Variants in JAG2 observed in about 807,000 individuals in gnomAD.
JAG2 encodes protein jagged-2.
In JAG2, 46 loss-of-function variants were observed where a neutral mutation model predicts 141.7. The ratio of observed to expected loss-of-function variants is 0.32; its 90% confidence interval spans 0.26 to 0.42. The LOEUF (loss-of-function observed/expected upper bound fraction) is 0.42, where lower values mean the gene tolerates loss of function less well. JAG2 is among the 10% of genes least tolerant of loss of function. The pLI is 1.00. For synonymous variants in JAG2, 862 were observed against 763.5 expected, an observed-to-expected ratio of 1.13 and a Z score of -2.13; for missense variants, 1,500 against 1,817.5, an observed-to-expected ratio of 0.83 and a Z score of 3.18.
At chr14:105,146,756 TG>T in intron 20 of JAG2, 32 bp from the exon 21 acceptor site, 1 of 1,549,626 alleles carries the variant, frequency 6.5e-7, no homozygotes, top group Non-Finnish European at 8.9e-7. Context: ...CTCAGTGCAG[TG>T]AGGCCAACGC....
intron 7 of JAG2, 76 bp from the exon 8 acceptor site, chr14:105,151,815 C>T: frequency 6.2e-7 from 1 of 1,601,394 alleles, no homozygotes; most frequent in Non-Finnish European, 8.5e-7. Flanking sequence ...CCCAAGCCCA[C>T]AGGTTCCCAA....
At chr14:105,159,615 A>G (rs1888673816) in intron 2 of JAG2, among the ~76,000 whole-genome samples, 2 of 92,568 alleles carry the variant, frequency 2.2e-5, no homozygotes, top group Admixed American at 2.7e-4. Flanking sequence ...ACACCCCCAA[A>G]GAACTCAATC....
At chr14:105,162,041 C>T (rs1888764206) in intron 2 of JAG2, among the ~76,000 whole-genome samples, 1 of 152,166 alleles carries the variant, frequency 6.6e-6, no homozygotes, top group Non-Finnish European at 1.5e-5. Flanking sequence ...GGGGCTGGGA[C>T]ATGTGGGGAT....
intron 23 of JAG2, 31 bp downstream of exon 23, chr14:105,145,700 C>G: frequency 6.3e-7 from 1 of 1,574,818 alleles, no homozygotes; most frequent in South Asian, 1.2e-5. Flanking sequence ...CGTGTGGCCT[C>G]TGCAAGCTCA....
rs1888081221 is a variant in JAG2 at position 105,142,293 on chromosome 14, A to G, written c.*402T>C. On this transcript the variant is annotated 3_prime_UTR_variant, in exon 26 of 26. Transcript: ENST00000331782. ...CAACAGCCATGGGCCACACCAACACAGCCATGGGTCTCACCGGCACTTTGG... is the reference window on the plus strand; with the variant it reads ...CAACAGCCATGGGCCACACCAACACGGCCATGGGTCTCACCGGCACTTTGG... The G allele has an allele frequency of 5.1e-6, 1 of 195,104 alleles. No homozygotes were observed. Among genetic ancestry groups the G allele is most frequent in the South Asian group, 9.9e-5 (1 of 10,090 alleles). 12.1% of individuals were successfully genotyped at this position (195,104 alleles called of 1,614,324 possible).
At chr14:105,147,157 A>G in intron 20 of JAG2, 169 bp downstream of exon 20, 1 of 669,074 alleles carries the variant, frequency 1.5e-6, no homozygotes, top group Non-Finnish European at 2.7e-6. Context: ...GGTATACAGC[A>G]GGAACCCCAC....
In JAG2 at chr14:105,148,189, G is replaced by A. The variant is rs1888290697; in HGVS notation, c.2175C>T (p.Gly725=). 1 of 1,554,336 alleles carries A rather than the reference G, an allele frequency of 6.4e-7. No individual in the cohort carries two copies. Residue 725 remains glycine, a synonymous_variant, in exon 17 of 26, where the codon GGC becomes GGT. Transcript: ENST00000331782. ...QCDAYTCSNG[G]TCYDSGDTFR... ...AGGTGTCGCCGCTGTCGTAGCAGGTGCCACCGTTGCTGCAGGTGTAGGCAT... is the reference window on the plus strand; with the variant it reads ...AGGTGTCGCCGCTGTCGTAGCAGGTACCACCGTTGCTGCAGGTGTAGGCAT...
chr14:105,163,450 T>C (rs1888816753), intron 2 of JAG2, among the ~76,000 whole-genome samples: 1 of 151,922 alleles, frequency 6.6e-6, no homozygotes, highest in Admixed American at 6.5e-5. Context: ...GTGAAGACGG[T>C]GGCAGCCAGG....
rs965648720 is a variant in JAG2, at chr14:105,154,004, C to G, written c.788+1558G>C. Among the ~76,000 whole-genome samples, 10 of 152,202 alleles carry G rather than the reference C, an allele frequency of 6.6e-5. No homozygotes were observed. Among genetic ancestry groups the G allele is most frequent in the Non-Finnish European group, 8.8e-5 (6 of 68,020 alleles). On this transcript the variant is annotated intron_variant, in intron 5 of 25. Transcript: ENST00000331782. This position sits in a 1 kb window ranked among gnomAD's most constrained non-coding sequence, Gnocchi z 4.4. ...GACTCGCTCAACCTGCCGGGAATCCCTGTGTGTGCAAGTGACCGGGTGGGC... is the reference window on the plus strand; with the variant it reads ...GACTCGCTCAACCTGCCGGGAATCCGTGTGTGTGCAAGTGACCGGGTGGGC...
Position 105,142,892 on chromosome 14 carries a change from C to T in JAG2, c.3520G>A (p.Val1174Ile), listed in dbSNP as rs148815369. Residue 1174 changes from valine (V) to isoleucine (I), a missense_variant, in exon 26 of 26, where the codon GTC becomes ATC. By Grantham distance (29) the Val-to-Ile change is conservative. Coordinates refer to ENST00000331782, the MANE Select transcript of JAG2 (RefSeq NM_002226.5). ...ALPGPAGHAA[V>I]REDEEDEDLG... is the part of the protein sequence containing the mutation. Reference sequence around the variant, plus strand: ...TCCTCGTCCTCCTCATCCTCCCTGACGGCCGCGTGGCCGGCCGGCCCGGGC... The same window carrying T: ...TCCTCGTCCTCCTCATCCTCCCTGATGGCCGCGTGGCCGGCCGGCCCGGGC... 5.1e-4 allele frequency: 816 copies of T among 1,600,202 alleles called. 2 individuals carry two copies. The highest frequency in any genetic ancestry group is 2.0e-3 in the Middle Eastern group (12 of 6,046).
intron 12 of JAG2, among the ~76,000 whole-genome samples, chr14:105,149,863 G>A (rs1463354904): frequency 1.5e-5 from 1 of 68,302 alleles, no homozygotes; most frequent in Admixed American, 1.5e-4. Flanking sequence ...TAGGGAGGCA[G>A]GTAATGGGGA....
In JAG2 at chr14:105,168,468, G is replaced by C; in HGVS notation, c.-48C>G. 1 of 535,290 alleles carries C rather than the reference G, an allele frequency of 1.9e-6. No individual in the cohort carries two copies. Among genetic ancestry groups the C allele is most frequent in the South Asian group, 7.7e-5 (1 of 13,068 alleles). 33.2% of individuals were successfully genotyped at this position (535,290 alleles called of 1,614,324 possible). A position where few individuals can be genotyped will look rare whatever the true frequency, so the allele number is the denominator to read the frequency against. ...GGCCCCGCCGCCGCCGCCCGCGCCC[G>C]GCTCCCAGCCGCCGCGCCGGCCTCC... On this transcript the variant is annotated 5_prime_UTR_variant, in exon 1 of 26. Coordinates refer to ENST00000331782, the MANE Select transcript of JAG2 (RefSeq NM_002226.5).
chr14:105,143,731 A>G, intron 24 of JAG2, 93 bp from the exon 25 acceptor site: 2 of 1,499,946 alleles, frequency 1.3e-6, no homozygotes, highest in Non-Finnish European at 1.8e-6. Flanking sequence ...ACACTGGAGC[A>G]AGGTGGGCGC....
Position 105,168,355 on chromosome 14 carries a change from C to A in JAG2, c.66G>T (p.Gln22His). The A allele has an allele frequency of 2.0e-6, 2 of 999,836 alleles. No individual in the cohort carries two copies. Among genetic ancestry groups the A allele is most frequent in the Non-Finnish European group, 2.5e-6 (2 of 807,570 alleles). The allele number at this position is 999,836 out of a possible 1,614,324, so 61.9% of individuals were successfully genotyped here. Residue 22 changes from glutamine to histidine, a missense_variant and splice_region_variant, in exon 1 of 26, where the codon CAG becomes CAT. Around this residue, in one of 3 missense-constraint regions of JAG2, gnomAD observed 200 missense variants for 174.3 expected, o/e 1.15. Coordinates refer to ENST00000331782, the MANE Select transcript of JAG2 (RefSeq NM_002226.5). The stretch of plus-strand genomic sequence containing the variant: ...CCGCCGCCCCCGCCGCCCCGCTCAC[C>A]TGCACCCAGAGCGCCAGCAGCAGCA... Reference protein sequence around the residue: ...RLLLLLALWVQAARPMGYFEL... With the variant: ...RLLLLLALWVHAARPMGYFEL...
chr14:105,144,642 G>A (rs587655573), intron 24 of JAG2, among the ~76,000 whole-genome samples: 1 of 152,316 alleles, frequency 6.6e-6, no homozygotes, highest in African/African-American at 2.4e-5. Context: ...TGCTGCCTGT[G>A]ACGTAGGGAC....
chr14:105,149,406 T>A, intron 12 of JAG2, 86 bp from the exon 13 acceptor site: 1 of 1,568,596 alleles, frequency 6.4e-7, no homozygotes, highest in South Asian at 1.1e-5. Flanking sequence ...CGAAGGTAGA[T>A]CCCTGGGGAC....
At position 105,155,819 on chromosome 14, in the gene JAG2, C is replaced by T. The variant is rs778791847; in HGVS notation, c.646G>A (p.Asp216Asn). The T allele has an allele frequency of 5.0e-6, 8 of 1,612,818 alleles. No individual in the cohort carries two copies. Among genetic ancestry groups the T allele is most frequent in the South Asian group, 1.1e-5 (1 of 91,054 alleles). The change falls in exon 4 of 26, where the codon GAC becomes AAC. Residue 216 changes from aspartate to asparagine, a missense_variant. Transcript: ENST00000331782. Reference protein sequence around the residue: ...TCNKFCRPRNDFFGHYTCDQY... With the variant: ...TCNKFCRPRNNFFGHYTCDQY... The stretch of plus-strand genomic sequence containing the variant: ...TCGCAGGTGTAGTGGCCGAAAAAGT[C>T]GTTGCGGGGCCGGCAGAACTTGTTG...
intron 2 of JAG2, among the ~76,000 whole-genome samples, chr14:105,165,460 G>A (rs898917531): frequency 2.6e-5 from 4 of 152,342 alleles, no homozygotes; most frequent in Middle Eastern, 3.4e-3. Context: ...GGAGCCAGGA[G>A]AGGAGGGGCA....
In JAG2 at chr14:105,153,036, A is replaced by G. The variant is rs367775033; in HGVS notation, c.789-745T>C. Among the ~76,000 whole-genome samples, 35 of 151,398 alleles carry G rather than the reference A, an allele frequency of 2.3e-4. 2 individuals are homozygous for G. In the East Asian group the frequency reaches 4.2e-3, roughly 18 times the overall value. ...GACTTGAGGGTGCCTCCGTCAGGGGAGAGAGCCTGCAACGACCCCAAGGCT... is the reference window on the plus strand; with the variant it reads ...GACTTGAGGGTGCCTCCGTCAGGGGGGAGAGCCTGCAACGACCCCAAGGCT... On this transcript the variant is annotated intron_variant, in intron 5 of 25. Transcript: ENST00000331782.
Sources: gnomAD v4.1 joint callset for allele counts (sites outside exome capture counted in the v4.1 genomes callset) on GRCh38, gnomAD v4.1.1 for gene constraint, gnomAD v4.1.1 regional missense constraint, Gnocchi (gnomAD v3.1) non-coding constraint, MANE v1.5 for transcripts, NCBI Gene and HGNC (gene_info 2026-07-23, HGNC 2026-07-21) for gene names.